The following SLC25A13 variants were observed in gnomAD, a reference collection of about 807,000 sequenced individuals.
SLC25A13 encodes the protein electrogenic aspartate/glutamate antiporter SLC25A13, mitochondrial.
In SLC25A13, 70 loss-of-function variants were observed where a neutral mutation model predicts 85.5. The ratio of observed to expected loss-of-function variants is 0.82; its 90% CI spans 0.68 to 1.00. The LOEUF (loss-of-function observed/expected upper bound fraction) is 1.00. SLC25A13 is among the 50% of genes least tolerant of loss of function. SLC25A13 has a pLI of 0.00. For synonymous variants in SLC25A13, 259 were observed against 288.7 expected (o/e 0.90, Z 1.04); for missense variants, 765 against 819.8 (o/e 0.93, Z 0.82).
rs371781535 is a variant in SLC25A13, at chr7:96,277,340, T to C, written c.70-2A>G. 1 of 1,610,600 alleles carries C rather than the reference T, an allele frequency of 6.2e-7. No individual in the cohort carries two copies. Among genetic ancestry groups the C allele is most frequent in the Non-Finnish European group, 8.5e-7 (1 of 1,178,114 alleles). Reference sequence around the variant, plus strand: ...ACCGTTTTTCTCAATGCTTGCATACTGTTTAAAAAAAAGAAAAACAGTATT... The same window carrying C: ...ACCGTTTTTCTCAATGCTTGCATACCGTTTAAAAAAAAGAAAAACAGTATT... On this transcript the variant is annotated splice_acceptor_variant, in intron 2 of 17. Transcript: ENST00000265631. LOFTEE classifies it high-confidence loss of function.
chr7:96,280,636 G>A (rs916734354), intron 2 of SLC25A13, among the ~76,000 whole-genome samples: 2 of 151,972 alleles, frequency 1.3e-5, no homozygotes, highest in African/African-American at 4.8e-5. Context: ...AATCGCTTGA[G>A]CACAAAAGAT....
At chr7:96,228,450 C>A (rs1796399055) in intron 4 of SLC25A13, among the ~76,000 whole-genome samples, 1 of 152,206 alleles carries the variant, frequency 6.6e-6, no homozygotes, top group South Asian at 2.1e-4. Flanking sequence ...AGTGAGATAT[C>A]ACTAAAATAA....
chr7:96,292,007 G>A (rs963243430), intron 2 of SLC25A13, among the ~76,000 whole-genome samples: 1 of 152,164 alleles, frequency 6.6e-6, no homozygotes, highest in Admixed American at 6.5e-5. Context: ...TATCCCTGAT[G>A]AACATCGATG....
At position 96,262,475 on chromosome 7, in the gene SLC25A13, T is replaced by C. The variant is rs1045909913; in HGVS notation, c.212+14721A>G. 4.0e-5 allele frequency among the ~76,000 whole-genome samples: 6 copies of C among 151,458 alleles called. No individual in the cohort carries two copies. In the East Asian group the frequency reaches 1.2e-3, roughly 29 times the overall value. ...CGCAATGGTAACTCAAGGTTCAATA[T>C]AAGAACAGTAAAAAGGGAAAAGTGT... is the stretch of plus-strand genomic sequence containing the variant. On this transcript the variant is annotated intron_variant, in intron 3 of 17. Coordinates refer to ENST00000265631, the MANE Select transcript of SLC25A13 (RefSeq NM_014251.3).
At chr7:96,159,581 C>G (rs552344523) in intron 13 of SLC25A13, among the ~76,000 whole-genome samples, 1 of 152,292 alleles carries the variant, frequency 6.6e-6, no homozygotes, top group South Asian at 2.1e-4. Context: ...GTTGTTTAAG[C>G]CTCCCGCTCT....
At chr7:96,185,103 A>G (rs1794580756) in intron 9 of SLC25A13, 92 bp from the exon 10 acceptor site, 1 of 919,892 alleles carries the variant, frequency 1.1e-6, no homozygotes, top group African/African-American at 1.7e-5. Flanking sequence ...TTTAAACATT[A>G]CTCATTGGGT....
In SLC25A13 at chr7:96,191,611, A is replaced by G. The variant is rs1427511491; in HGVS notation, c.616-364T>C. 5.9e-5 allele frequency among the ~76,000 whole-genome samples: 9 copies of G among 152,206 alleles called. No individual in the cohort carries two copies. The East Asian group carries it at 9.6e-4, about 16-fold the overall frequency. On this transcript the variant is annotated intron_variant, in intron 6 of 17. Coordinates refer to ENST00000265631, the MANE Select transcript of SLC25A13 (RefSeq NM_014251.3). ...TTAAAGGCTTAAACATGCAAAAACT[A>G]TAAGTACATATGCACACATGTGTGT...
At chr7:96,138,829 T>A (rs1366002386) in intron 14 of SLC25A13, among the ~76,000 whole-genome samples, 1 of 152,202 alleles carries the variant, frequency 6.6e-6, no homozygotes, top group Non-Finnish European at 1.5e-5. Flanking sequence ...GAATCCTTTT[T>A]TTCTGGTGTC....
chr7:96,276,084 C>T (rs1035571613), intron 3 of SLC25A13, among the ~76,000 whole-genome samples: 2 of 152,182 alleles, frequency 1.3e-5, no homozygotes, highest in Non-Finnish European at 2.9e-5. Context: ...TAGGTAACTG[C>T]AATCTGTCAA....
intron 14 of SLC25A13, among the ~76,000 whole-genome samples, chr7:96,134,814 A>ATATAT (rs1554337570): frequency 1.2e-4 from 8 of 64,474 alleles, no homozygotes; most frequent in African/African-American, 6.2e-4. Flanking sequence ...TATATATATA[A>ATATAT]CCCTGAGGAA....
intron 1 of SLC25A13, among the ~76,000 whole-genome samples, chr7:96,320,998 T>C (rs1444432051): frequency 1.3e-5 from 2 of 152,212 alleles, no homozygotes; most frequent in African/African-American, 2.4e-5. Flanking sequence ...AGAAGTTGTA[T>C]AGGCTTGATT....
Position 96,284,724 on chromosome 7 carries a change from G to A in SLC25A13, c.70-7386C>T, listed in dbSNP as rs141897640. Among the ~76,000 whole-genome samples, 765 of 152,290 alleles carry A rather than the reference G, an allele frequency of 5.0e-3. 8 individuals carry two copies. The highest frequency in any genetic ancestry group is 0.018 in the African/African-American group (739 of 41,568). On this transcript the variant is annotated intron_variant, in intron 2 of 17. Transcript: ENST00000265631. ...CAGAAGATCCAATGGTTTTATAAATGGGAGTTCCCCTGCACAAGCTCTCTT... is the reference window on the plus strand; with the variant it reads ...CAGAAGATCCAATGGTTTTATAAATAGGAGTTCCCCTGCACAAGCTCTCTT...
intron 2 of SLC25A13, among the ~76,000 whole-genome samples, chr7:96,286,939 C>T (rs1798914057): frequency 6.6e-6 from 1 of 152,208 alleles, no homozygotes; most frequent in African/African-American, 2.4e-5. Flanking sequence ...CCTTCCACCT[C>T]CCAAGCTAAA....
At chr7:96,191,541 T>A (rs1326433539) in intron 6 of SLC25A13, among the ~76,000 whole-genome samples, 10 of 152,234 alleles carry the variant, frequency 6.6e-5, no homozygotes, top group Admixed American at 6.5e-4. Context: ...AAATTTCAAT[T>A]GGAAATGTTT....
intron 1 of SLC25A13, among the ~76,000 whole-genome samples, chr7:96,297,310 G>A (rs889220049): frequency 6.6e-6 from 1 of 151,732 alleles, no homozygotes; most frequent in Non-Finnish European, 1.5e-5. Context: ...GTAAACAAAT[G>A]TTTGTCAACT....
At chr7:96,126,519 G>C (rs1562778367) in intron 15 of SLC25A13, among the ~76,000 whole-genome samples, 1 of 152,122 alleles carries the variant, frequency 6.6e-6, no homozygotes, top group South Asian at 2.1e-4. Flanking sequence ...TGGCAATCCT[G>C]AAGAAAGTAT....
intron 5 of SLC25A13, among the ~76,000 whole-genome samples, chr7:96,202,797 ACCT>A (rs1423581040): frequency 6.6e-6 from 1 of 150,608 alleles, no homozygotes; most frequent in Non-Finnish European, 1.5e-5. Context: ...CCTCCTTAAA[ACCT>A]CCTCTTCTTC....
At chr7:96,212,544 G>T (rs142500095) in intron 4 of SLC25A13, among the ~76,000 whole-genome samples, 1 of 152,310 alleles carries the variant, frequency 6.6e-6, no homozygotes, top group Admixed American at 6.5e-5. Flanking sequence ...GGACCTGAAA[G>T]GTGTCAAGGA....
chr7:96,246,235 C>T (rs1797184071), intron 3 of SLC25A13, among the ~76,000 whole-genome samples: 1 of 152,304 alleles, frequency 6.6e-6, no homozygotes, highest in South Asian at 2.1e-4. Flanking sequence ...CTACAGGGTA[C>T]CGAAGGCACA....
Sources: allele counts gnomAD v4.1 joint callset (sites outside exome capture counted in the v4.1 genomes callset), GRCh38; gene constraint gnomAD v4.1.1; transcripts MANE v1.5; gene names NCBI Gene and HGNC (gene_info 2026-07-23, HGNC 2026-07-21).